Variants in DNAH3 observed in about 807,000 individuals in gnomAD.
DNAH3 encodes the protein dynein axonemal heavy chain 3.
In DNAH3, 332 loss-of-function variants were observed where a neutral mutation model predicts 432.5. The ratio of observed to expected loss-of-function variants is 0.77; its 90% CI spans 0.70 to 0.84. The LOEUF (loss-of-function observed/expected upper bound fraction) is 0.84, where lower values mean the gene tolerates loss of function less well. Among genes scored for constraint, DNAH3 ranks in the 40% least tolerant of loss-of-function variants. The probability of loss-of-function intolerance (pLI) is 0.00; values close to 1 mark genes in which losing one functional copy is unlikely to be tolerated. For missense variants in DNAH3, 4,861 were observed against 5,114.0 expected (o/e 0.95, Z 1.51); for synonymous variants, 1,956 against 1,900.2 (o/e 1.03, Z -0.76).
chr16:20,984,263 G>GA (rs556243340), intron 48 of DNAH3, among the ~76,000 whole-genome samples: 6 of 151,920 alleles, frequency 3.9e-5, no homozygotes, highest in African/African-American at 1.5e-4. Context: ...TGCAGCATAT[G>GA]AAAAAAATCA....
chr16:20,936,565 CCT>C (rs1352628241), intron 60 of DNAH3, 82 bp downstream of exon 60: 13 of 1,269,514 alleles, frequency 1.0e-5, no homozygotes, highest in Non-Finnish European at 1.3e-5. Context: ...CCCTCCTCCC[CCT>C]GCCTCTAGTC....
chr16:21,062,390 C>T, intron 25 of DNAH3, 92 bp downstream of exon 25: 2 of 994,490 alleles, frequency 2.0e-6, no homozygotes, highest in African/African-American at 1.6e-5. Flanking sequence ...ATACCCCAGG[C>T]AGTCTGGTGC....
At chr16:21,136,230 A>G (rs2092641205) in intron 6 of DNAH3, 94 bp downstream of exon 7, 3 of 1,261,474 alleles carry the variant, frequency 2.4e-6, no homozygotes, top group Non-Finnish European at 3.3e-6. Flanking sequence ...CCTGAGCAAC[A>G]AAGCAAGACC....
chr16:20,959,182 A>T (rs746730307), exon 54 of DNAH3: 1 of 1,614,090 alleles, frequency 6.2e-7, no homozygotes, highest in Non-Finnish European at 8.5e-7. Context: ...ATCTCACCTG[A>T]ATCTGGCATT....
chr16:20,941,710 C>CT (rs1267884055), intron 58 of DNAH3, among the ~76,000 whole-genome samples, 167 bp from the exon 59 acceptor site: 1 of 151,856 alleles, frequency 6.6e-6, no homozygotes, highest in African/African-American at 2.4e-5. Context: ...AAAGGAGTCC[C>CT]TCATCACCCC....
At position 20,982,807 on chromosome 16, in the gene DNAH3, C is replaced by T; in HGVS notation, c.7773G>A (p.Trp2591Ter). Reference sequence around the variant, plus strand: ...GGGCATCTGTGGGCCAGGACTGGAACCAATCAATCGTACAGCAATTGATCA... The same window carrying T: ...GGGCATCTGTGGGCCAGGACTGGAATCAATCAATCGTACAGCAATTGATCA... Residue 2591 changes from tryptophan (W) to a stop codon, truncating the protein, a stop_gained, in exon 49 of 62, where the codon TGG becomes TGA. Coordinates refer to ENST00000261383, the Ensembl canonical transcript of DNAH3. LOFTEE classifies it high-confidence loss of function. 6.2e-7 allele frequency: 1 copy of T among 1,614,190 alleles called. No individual in the cohort carries two copies. The highest frequency in any genetic ancestry group is 8.5e-7 in the Non-Finnish European group (1 of 1,180,040).
chr16:20,989,837 C>G (rs1393436609), intron 44 of DNAH3, among the ~76,000 whole-genome samples: 2 of 152,244 alleles, frequency 1.3e-5, no homozygotes, highest in Admixed American at 1.3e-4. Flanking sequence ...CACCGGTGGG[C>G]TGGCACTGCT....
chr16:21,038,048 A>G, intron 33 of DNAH3, 68 bp from the exon 34 acceptor site: 2 of 1,427,060 alleles, frequency 1.4e-6, no homozygotes, highest in East Asian at 4.8e-5. Flanking sequence ...GACATTCCCA[A>G]TATCCTTGTC....
chr16:20,937,243 C>A (rs1171337908), intron 59 of DNAH3, among the ~76,000 whole-genome samples: 1 of 152,074 alleles, frequency 6.6e-6, no homozygotes, highest in Non-Finnish European at 1.5e-5. Flanking sequence ...CAGCCTCAAA[C>A]TCCTGGGCTC....
At chr16:21,118,357 G>A (rs976796664) in intron 11 of DNAH3, among the ~76,000 whole-genome samples, 2 of 152,184 alleles carry the variant, frequency 1.3e-5, no homozygotes, top group Non-Finnish European at 2.9e-5. Flanking sequence ...TAAGCCCAGA[G>A]AAAACAAACG....
chr16:21,034,684 A>T (rs540224761), intron 35 of DNAH3, among the ~76,000 whole-genome samples: 4 of 152,242 alleles, frequency 2.6e-5, no homozygotes, highest in Non-Finnish European at 5.9e-5. Context: ...GAAAGGGAAC[A>T]CAAGCAGCTT....
intron 9 of DNAH3, among the ~76,000 whole-genome samples, chr16:21,123,058 T>C (rs1265171453): frequency 6.6e-6 from 1 of 152,164 alleles, no homozygotes; most frequent in Non-Finnish European, 1.5e-5. Context: ...TCCTCCAAAA[T>C]ACCTGAGACA....
intron 52 of DNAH3, among the ~76,000 whole-genome samples, chr16:20,967,627 C>A (rs187497455): frequency 2.0e-5 from 3 of 150,820 alleles, no homozygotes; most frequent in Non-Finnish European, 4.4e-5. Flanking sequence ...CTCAGCCTTC[C>A]GTGTAGCTGG....
At chr16:20,988,108 T>C (rs2086298444) in intron 44 of DNAH3, 43 bp from the exon 45 acceptor site, 8 of 1,610,112 alleles carry the variant, frequency 5.0e-6, no homozygotes, top group Non-Finnish European at 6.8e-6. Flanking sequence ...GGAAAACACA[T>C]ATTCTCACAC....
chr16:21,058,428 C>A (rs1034231388), intron 26 of DNAH3, among the ~76,000 whole-genome samples: 6 of 152,108 alleles, frequency 3.9e-5, no homozygotes, highest in African/African-American at 1.2e-4. Flanking sequence ...TGCATTTTTT[C>A]CATGCTCCCA....
At chr16:21,147,500 G>A (rs1193381279) in intron 1 of DNAH3, among the ~76,000 whole-genome samples, 3 of 152,170 alleles carry the variant, frequency 2.0e-5, no homozygotes, top group Admixed American at 2.0e-4. Context: ...ACAGGCATAA[G>A]CCACTCCACC....
chr16:21,101,920 G>A (rs2091847244), intron 16 of DNAH3, among the ~76,000 whole-genome samples: 1 of 152,248 alleles, frequency 6.6e-6, no homozygotes, highest in South Asian at 2.1e-4. Context: ...GAGCCGGAGG[G>A]TGGGGTAGGA....
chr16:21,132,072 T>C (rs948859839), intron 7 of DNAH3, among the ~76,000 whole-genome samples: 10 of 152,158 alleles, frequency 6.6e-5, no homozygotes, highest in Non-Finnish European at 1.2e-4. Flanking sequence ...TGCTGACTGG[T>C]ACTTCCAATG....
intron 12 of DNAH3, among the ~76,000 whole-genome samples, chr16:21,115,784 ATAAC>A (rs1304780581): frequency 6.6e-6 from 1 of 151,866 alleles, no homozygotes; most frequent in Non-Finnish European, 1.5e-5. Context: ...ATAAAATAAA[ATAAC>A]TGTGTGTCTA....
Sources: allele counts gnomAD v4.1 joint callset (sites outside exome capture counted in the v4.1 genomes callset), GRCh38; gene constraint gnomAD v4.1.1; transcripts MANE v1.5; gene names NCBI Gene and HGNC (gene_info 2026-07-23, HGNC 2026-07-21).